Variants in CSNK2A2IP observed in about 807,000 individuals in gnomAD.
CSNK2A2IP encodes casein kinase II subunit alpha'-interacting protein.
the CSNK2A2IP span, among the ~76,000 whole-genome samples, chr3:88,459,572 T>G: frequency 6.6e-6 from 1 of 152,122 alleles, no homozygotes; most frequent in Non-Finnish European, 1.5e-5. Flanking sequence ...TTTAATACAT[T>G]GGCCAGATTT....
chr3:88,386,907 G>A, the CSNK2A2IP span, among the ~76,000 whole-genome samples: 1 of 152,148 alleles, frequency 6.6e-6, no homozygotes, highest in African/African-American at 2.4e-5. Context: ...GAATAAAGAT[G>A]TCACCACTAA....
At chr3:88,434,094 A>G in the CSNK2A2IP span, among the ~76,000 whole-genome samples, 19 of 152,180 alleles carry the variant, frequency 1.2e-4, no homozygotes. Flanking sequence ...GTTCCAAATA[A>G]CAGACCTAAA....
chr3:88,463,634 T>C, the CSNK2A2IP span, among the ~76,000 whole-genome samples: 1 of 152,178 alleles, frequency 6.6e-6, no homozygotes, highest in South Asian at 2.1e-4. Context: ...ATGGCAATCA[T>C]TAAAAAGTCA....
the CSNK2A2IP span, among the ~76,000 whole-genome samples, chr3:88,384,416 C>G: frequency 0.038 from 5,698 of 151,282 alleles, 267 homozygotes; most frequent in African/African-American, 0.11. Flanking sequence ...GAAGAGCCAG[C>G]GAAAGAGACT....
chr3:88,370,598 T>TTC, the CSNK2A2IP span, among the ~76,000 whole-genome samples: 17 of 128,906 alleles, frequency 1.3e-4, no homozygotes, highest in African/African-American at 3.6e-4. Flanking sequence ...CTTTCTTTCT[T>TTC]TCTCTCTCTC....
At chr3:88,458,141 GTTTTT>G in the CSNK2A2IP span, among the ~76,000 whole-genome samples, 5,123 of 83,322 alleles carry the variant, frequency 0.061, 321 homozygotes, top group East Asian at 0.19. Flanking sequence ...TGTAATTGTG[GTTTTT>G]TTTTTTTTTT....
At chr3:88,408,008 C>T in the CSNK2A2IP span, among the ~76,000 whole-genome samples, 1 of 152,090 alleles carries the variant, frequency 6.6e-6, no homozygotes, top group African/African-American at 2.4e-5. Flanking sequence ...CAGGCATAAG[C>T]CACTGTGCCT....
the CSNK2A2IP span, among the ~76,000 whole-genome samples, chr3:88,442,375 AT>A: frequency 1.3e-5 from 2 of 151,746 alleles, no homozygotes; most frequent in Admixed American, 1.3e-4. Flanking sequence ...ACATGTCAAT[AT>A]TTTTTTTCTC....
chr3:88,465,049 A>G, the CSNK2A2IP span: 10 of 219,636 alleles, frequency 4.6e-5, 1 homozygote, highest in Non-Finnish European at 8.8e-5. Flanking sequence ...TATTTCTATC[A>G]GGACCTCTTC....
chr3:88,357,590 G>A, the CSNK2A2IP span, among the ~76,000 whole-genome samples: 1 of 151,920 alleles, frequency 6.6e-6, no homozygotes, highest in Admixed American at 6.6e-5. Context: ...TAAATTTTAG[G>A]ATTATTATTT....
chr3:88,419,512 G>A, the CSNK2A2IP span, among the ~76,000 whole-genome samples: 1 of 152,082 alleles, frequency 6.6e-6, no homozygotes, highest in Non-Finnish European at 1.5e-5. Context: ...ACCATTGATG[G>A]GCATCTAGGT....
the CSNK2A2IP span, among the ~76,000 whole-genome samples, chr3:88,360,873 G>A: frequency 2.6e-5 from 4 of 151,570 alleles, no homozygotes; most frequent in Non-Finnish European, 5.9e-5. Context: ...GTTACCATGA[G>A]AATTACAAAT....
At chr3:88,456,647 TCTTC>T in the CSNK2A2IP span, among the ~76,000 whole-genome samples, 1 of 122,326 alleles carries the variant, frequency 8.2e-6, no homozygotes, top group African/African-American at 2.7e-5. Flanking sequence ...CAATTTTACT[TCTTC>T]CTTTCCTTTT....
At chr3:88,359,889 A>G in the CSNK2A2IP span, among the ~76,000 whole-genome samples, 1 of 152,112 alleles carries the variant, frequency 6.6e-6, no homozygotes, top group Non-Finnish European at 1.5e-5. Flanking sequence ...CAACTGGTCT[A>G]TAGTGCAGGT....
the CSNK2A2IP span, chr3:88,466,690 C>T: frequency 8.6e-7 from 1 of 1,164,578 alleles, no homozygotes; most frequent in Non-Finnish European, 1.1e-6. Flanking sequence ...TACCAGAATA[C>T]AGAGGGATCT....
chr3:88,452,896 T>C, the CSNK2A2IP span, among the ~76,000 whole-genome samples: 1 of 152,184 alleles, frequency 6.6e-6, no homozygotes, highest in Non-Finnish European at 1.5e-5. Flanking sequence ...GAGGCTCTTT[T>C]ATGTGTAGGA....
At chr3:88,441,712 T>C in the CSNK2A2IP span, among the ~76,000 whole-genome samples, 11 of 152,194 alleles carry the variant, frequency 7.2e-5, no homozygotes, top group African/African-American at 2.4e-4. Context: ...CATTTCTAGA[T>C]ATAATAGTTG....
At chr3:88,410,071 G>A in the CSNK2A2IP span, among the ~76,000 whole-genome samples, 3 of 152,132 alleles carry the variant, frequency 2.0e-5, no homozygotes, top group South Asian at 6.2e-4. Context: ...AGAAAACTCT[G>A]AAGTCTTCAA....
the CSNK2A2IP span, chr3:88,399,886 G>A: frequency 6.6e-6 from 1 of 152,182 alleles, no homozygotes; most frequent in African/African-American, 2.4e-5. Context: ...GCATAGAACT[G>A]ACCCAGATTA....
Sources: gnomAD v4.1 joint callset for allele counts (sites outside exome capture counted in the v4.1 genomes callset) on GRCh38, gnomAD v4.1.1 for gene constraint, MANE v1.5 for transcripts, NCBI Gene and HGNC (gene_info 2026-07-23, HGNC 2026-07-21) for gene names.